The following LRRC7 variants were observed in gnomAD, a reference collection of about 807,000 sequenced individuals.
LRRC7 encodes leucine-rich repeat-containing protein 7.
Under a neutral mutation model 175.7 loss-of-function variants are expected in LRRC7, and 23 were observed. The observed-to-expected ratio is 0.13, with a 90% CI of 0.09 to 0.19. The LOEUF is 0.19. LRRC7 is among the 10% of genes least tolerant of loss of function. The pLI is 1.00. For missense variants in LRRC7, 1,354 were observed against 1,904.7 expected (o/e 0.71, Z 5.38); for synonymous variants, 685 against 680.9 (o/e 1.01, Z -0.09).
rs1223884518 is a variant in LRRC7, at chr1:70,130,689, CT to C, written c.*8806del. ...TTAATTGGAGCACACCATATCTATC[CT>C]TTTGATTTGATTGGGTTTCCTTTCT... On this transcript the variant is annotated 3_prime_UTR_variant, in exon 27 of 27. Transcript: ENST00000651989. Among the ~76,000 whole-genome samples, 1 of 152,144 alleles carries C rather than the reference CT, an allele frequency of 6.6e-6. No individual in the cohort carries two copies. Among genetic ancestry groups the C allele is most frequent in the Non-Finnish European group, 1.5e-5 (1 of 68,020 alleles).
chr1:69,882,700 G>C (rs1011696581), intron 7 of LRRC7, among the ~76,000 whole-genome samples: 18 of 150,230 alleles, frequency 1.2e-4, no homozygotes, highest in Admixed American at 7.3e-4. Flanking sequence ...TGCCATGCTG[G>C]TGTGCTGCAC....
At chr1:69,976,663 T>C (rs1457180565) in intron 8 of LRRC7, among the ~76,000 whole-genome samples, 1 of 152,192 alleles carries the variant, frequency 6.6e-6, no homozygotes, top group Non-Finnish European at 1.5e-5. Context: ...AGGATGCTCT[T>C]GTTCACTTCC....
intron 2 of LRRC7, among the ~76,000 whole-genome samples, chr1:69,722,975 G>T (rs1352516171): frequency 3.3e-5 from 5 of 151,780 alleles, no homozygotes; most frequent in Admixed American, 1.3e-4. Flanking sequence ...TGATTTTTAT[G>T]TTAGTTTTTT....
At chr1:70,036,321 A>G in intron 19 of LRRC7, 89 bp downstream of exon 19, 3 of 1,379,916 alleles carry the variant, frequency 2.2e-6, no homozygotes, top group Non-Finnish European at 3.0e-6. Flanking sequence ...ACCATATTCT[A>G]TACAAATGTT....
chr1:69,577,772 G>T (rs370115949), intron 1 of LRRC7, among the ~76,000 whole-genome samples: 2 of 152,116 alleles, frequency 1.3e-5, no homozygotes, highest in East Asian at 1.9e-4. Context: ...ATGCTGTTTT[G>T]GTTACTGTAG....
At chr1:70,056,540 C>G (rs1383978898) in intron 23 of LRRC7, among the ~76,000 whole-genome samples, 1 of 152,140 alleles carries the variant, frequency 6.6e-6, no homozygotes, top group Non-Finnish European at 1.5e-5. Context: ...TGGTTTCTCT[C>G]ATAATTATAA....
intron 1 of LRRC7, among the ~76,000 whole-genome samples, chr1:69,635,193 C>T (rs1331204814): frequency 5.3e-5 from 8 of 152,000 alleles, no homozygotes; most frequent in Non-Finnish European, 1.0e-4. Flanking sequence ...TTTTCTGTTC[C>T]TGTGTTCATT....
chr1:69,783,909 C>A (rs1224582954), intron 3 of LRRC7, among the ~76,000 whole-genome samples: 1 of 151,926 alleles, frequency 6.6e-6, no homozygotes, highest in Non-Finnish European at 1.5e-5. Context: ...TAATTTTAGT[C>A]TTCAACTTTT....
At chr1:69,783,520 G>A (rs997756119) in intron 3 of LRRC7, among the ~76,000 whole-genome samples, 4 of 152,112 alleles carry the variant, frequency 2.6e-5, no homozygotes, top group African/African-American at 9.7e-5. Context: ...ACTTTGGGAG[G>A]CCGAGGCAGG....
At chr1:69,913,573 G>A (rs1470961461) in intron 7 of LRRC7, among the ~76,000 whole-genome samples, 2 of 151,898 alleles carry the variant, frequency 1.3e-5, no homozygotes. Context: ...GTGCAATGGT[G>A]CGATCTCGGC....
chr1:69,717,128 CTT>C (rs1665455204), intron 2 of LRRC7, among the ~76,000 whole-genome samples: 1 of 150,748 alleles, frequency 6.6e-6, no homozygotes, highest in Non-Finnish European at 1.5e-5. Flanking sequence ...TTTAATAGGA[CTT>C]ATTCAATAGT....
chr1:69,919,975 G>C (rs752455048), intron 7 of LRRC7: 39 of 540,704 alleles, frequency 7.2e-5, no homozygotes, highest in Non-Finnish European at 1.2e-4. Context: ...TCCAGACTGG[G>C]GGCCCTTCCA....
chr1:69,990,202 T>C (rs1249639408), intron 10 of LRRC7, among the ~76,000 whole-genome samples: 6 of 152,044 alleles, frequency 3.9e-5, no homozygotes, highest in Non-Finnish European at 8.8e-5. Flanking sequence ...ATTTGGTAAA[T>C]TAAGTAATTT....
intron 25 of LRRC7, among the ~76,000 whole-genome samples, chr1:70,100,864 A>C (rs1007833790): frequency 1.3e-5 from 2 of 152,020 alleles, no homozygotes; most frequent in Non-Finnish European, 2.9e-5. Flanking sequence ...GATGCATATA[A>C]ATTTATCAGT....
At chr1:69,842,224 A>C (rs1444360148) in intron 7 of LRRC7, among the ~76,000 whole-genome samples, 1 of 152,122 alleles carries the variant, frequency 6.6e-6, no homozygotes, top group Non-Finnish European at 1.5e-5. Context: ...TTTTCCACAG[A>C]AGTAACATAA....
chr1:70,116,232 T>A (rs1209436312), intron 26 of LRRC7, among the ~76,000 whole-genome samples: 1 of 152,212 alleles, frequency 6.6e-6, no homozygotes, highest in Non-Finnish European at 1.5e-5. Context: ...CAAGCTGCAG[T>A]ACATGTGTGT....
chr1:70,114,512 C>T (rs1056179040), intron 26 of LRRC7, among the ~76,000 whole-genome samples: 1 of 152,040 alleles, frequency 6.6e-6, no homozygotes, highest in South Asian at 2.1e-4. Flanking sequence ...ACATAGCAGA[C>T]CCCGTCTCTA....
chr1:70,133,378 G>A lies in LRRC7; in HGVS notation c.*11491G>A, dbSNP rs1666752577. Reference sequence around the variant, plus strand: ...TGGGACTACAGGCATGCACCACCACGCCCGGCTAATTTTTGTATTTTTAGT... The same window carrying A: ...TGGGACTACAGGCATGCACCACCACACCCGGCTAATTTTTGTATTTTTAGT... On this transcript the variant is annotated 3_prime_UTR_variant, in exon 27 of 27. Transcript: ENST00000651989. Among the ~76,000 whole-genome samples, 1 of 151,906 alleles carries A rather than the reference G, an allele frequency of 6.6e-6. No homozygotes were observed. The highest frequency in any genetic ancestry group is 1.5e-5 in the Non-Finnish European group (1 of 67,968).
At chr1:69,693,437 C>T (rs1662155488) in intron 2 of LRRC7, among the ~76,000 whole-genome samples, 1 of 152,072 alleles carries the variant, frequency 6.6e-6, no homozygotes, top group Non-Finnish European at 1.5e-5. Flanking sequence ...CAGGCAAGTC[C>T]AAAATCTGCA....
Sources: allele counts gnomAD v4.1 joint callset (sites outside exome capture counted in the v4.1 genomes callset), GRCh38; gene constraint gnomAD v4.1.1; transcripts MANE v1.5; gene names NCBI Gene and HGNC (gene_info 2026-07-23, HGNC 2026-07-21).